The following IGSF21 variants were observed in gnomAD, a reference collection of about 807,000 sequenced individuals.
The protein encoded by IGSF21 is immunoglobulin superfamily member 21.
IGSF21 carries 28 observed loss-of-function variants against 46.8 expected under a neutral mutation model. The ratio of observed to expected loss-of-function variants is 0.60; its 90% CI spans 0.44 to 0.82. IGSF21 has a LOEUF of 0.82. IGSF21 is among the 40% of genes least tolerant of loss of function. The pLI is 0.00. For synonymous variants in IGSF21, 284 were observed against 273.6 expected (o/e 1.04, Z -0.38); for missense variants, 624 against 665.5 (o/e 0.94, Z 0.69).
At chr1:18,254,927 G>A (rs72932933) in intron 2 of IGSF21, among the ~76,000 whole-genome samples, 8,027 of 152,168 alleles carry the variant, frequency 0.053, 465 homozygotes, top group African/African-American at 0.14. Context: ...AGCCAGTGAC[G>A]TTGTCCTTCT....
In IGSF21 at chr1:18,335,037, T is replaced by A. The variant is rs1557648814; in HGVS notation, c.424+27T>A. The A allele has an allele frequency of 1.9e-6, 3 of 1,544,670 alleles. No individual in the cohort carries two copies. The highest frequency in any genetic ancestry group is 2.7e-6 in the Non-Finnish European group (3 of 1,116,696). On this transcript the variant is annotated intron_variant, in intron 4 of 9. Coordinates refer to ENST00000251296, the MANE Select transcript of IGSF21 (RefSeq NM_032880.5). This position sits in a 1 kb window ranked among gnomAD's most constrained non-coding sequence, Gnocchi z 4.8. ...TGAGTGCAGGGCCACTGGCCCCTGG[T>A]GTCTCAGTGAGGAGGACGAGTATGC...
intron 1 of IGSF21, among the ~76,000 whole-genome samples, chr1:18,204,208 G>C (rs528952689): frequency 4.6e-5 from 7 of 152,254 alleles, no homozygotes; most frequent in African/African-American, 1.7e-4. Context: ...GGTACTGTTC[G>C]GTCTCCATTT....
intron 6 of IGSF21, among the ~76,000 whole-genome samples, chr1:18,372,660 G>T (rs2086238163): frequency 6.8e-6 from 1 of 147,350 alleles, no homozygotes; most frequent in African/African-American, 2.5e-5. Context: ...ATGGATGTTT[G>T]GATGGGTGGA....
chr1:18,166,761 G>A (rs549716966), intron 1 of IGSF21, among the ~76,000 whole-genome samples: 1 of 152,288 alleles, frequency 6.6e-6, no homozygotes, highest in South Asian at 2.1e-4. Context: ...CATGGGCCAG[G>A]CCCTGCTGTC....
chr1:18,360,379 T>A (rs2086086888), intron 4 of IGSF21, among the ~76,000 whole-genome samples: 1 of 152,210 alleles, frequency 6.6e-6, no homozygotes, highest in African/African-American at 2.4e-5. Flanking sequence ...AATGAATGAC[T>A]CATACCTGAT....
intron 2 of IGSF21, among the ~76,000 whole-genome samples, chr1:18,269,296 G>A (rs542907799): frequency 1.8e-4 from 27 of 152,128 alleles, no homozygotes; most frequent in Non-Finnish European, 3.5e-4. Context: ...GGCCATTTGG[G>A]CATTTGCCTG....
chr1:18,127,554 A>G (rs921489021), intron 1 of IGSF21, among the ~76,000 whole-genome samples: 1 of 152,140 alleles, frequency 6.6e-6, no homozygotes, highest in Non-Finnish European at 1.5e-5. Flanking sequence ...CACCTGCTAG[A>G]TGGGTCATCT....
intron 1 of IGSF21, among the ~76,000 whole-genome samples, chr1:18,145,462 C>T (rs1388443037): frequency 6.6e-6 from 1 of 152,116 alleles, no homozygotes; most frequent in Non-Finnish European, 1.5e-5. Flanking sequence ...CCCGAGAGCC[C>T]CCAGCCCCTC....
chr1:18,167,749 C>T (rs943543961), intron 1 of IGSF21: 2 of 152,214 alleles, frequency 1.3e-5, no homozygotes, highest in Admixed American at 1.3e-4. Context: ...GACCTCACCT[C>T]CATCCCCACT....
intron 1 of IGSF21, among the ~76,000 whole-genome samples, chr1:18,158,688 G>A (rs1001329470): frequency 1.3e-5 from 2 of 152,082 alleles, no homozygotes; most frequent in African/African-American, 4.8e-5. Context: ...GAAGGCCCTG[G>A]GCTTGTGTTC....
rs1482260931 is a variant in IGSF21 at position 18,366,463 on chromosome 1, A to G, written c.1015+766A>G. On this transcript the variant is annotated intron_variant, in intron 6 of 9. Transcript: ENST00000251296. ...TGGCATGCTCAGGGGAGTTTTCTAC[A>G]TCACAGGTGGGAACATGGGAGGTGA... Among the ~76,000 whole-genome samples the G allele has an allele frequency of 9.2e-5, 14 of 152,008 alleles. No individual in the cohort carries two copies. In the East Asian group the frequency reaches 2.7e-3, roughly 30 times the overall value.
chr1:18,161,412 C>T (rs17435018), intron 1 of IGSF21, among the ~76,000 whole-genome samples: 13,191 of 152,114 alleles, frequency 0.087, 718 homozygotes, highest in Non-Finnish European at 0.12. Flanking sequence ...ATTCCAACAT[C>T]GTGCCCTGTA....
rs2086161504 is a variant in IGSF21 at position 18,365,981 on chromosome 1, T to A, written c.1015+284T>A. Among the ~76,000 whole-genome samples, 1 of 151,714 alleles carries A rather than the reference T, an allele frequency of 6.6e-6. No homozygotes were observed. On this transcript the variant is annotated intron_variant, in intron 6 of 9. Transcript: ENST00000251296. This position sits in a 1 kb window ranked among gnomAD's most constrained non-coding sequence, Gnocchi z 4.8. The stretch of plus-strand genomic sequence containing the variant: ...TGGATAGGGTCAGGGACACAGGAGA[T>A]CAGGGGAGGTCAGAGGAGTTCCTGG...
At chr1:18,179,381 C>T (rs1213006387) in intron 1 of IGSF21, 1 of 152,188 alleles carries the variant, frequency 6.6e-6, no homozygotes, top group Non-Finnish European at 1.5e-5. Context: ...CCAGCCTGGC[C>T]CCATTGTGAC....
chr1:18,365,298 C>A lies in IGSF21; in HGVS notation c.616C>A (p.Leu206Ile), dbSNP rs771315305. 3.1e-6 allele frequency: 5 copies of A among 1,614,118 alleles called. No homozygotes were observed. The Admixed American group carries it at 8.3e-5, about 27-fold the overall frequency. The change falls in exon 6 of 10, where the codon CTA (leucine) becomes ATA (isoleucine). Residue 206 changes from leucine (L) to isoleucine (I), a missense_variant. Transcript: ENST00000251296. This position sits in a 1 kb window ranked among gnomAD's most constrained non-coding sequence, Gnocchi z 4.8. Reference protein sequence around the residue: ...SEPPAASSGPLQDSRPFRSLL... With the variant: ...SEPPAASSGPIQDSRPFRSLL... ...GCCACCAGCTGCGAGCTCCGGCCCCCTACAGGACAGCAGGCCCTTCCGCAG... is the reference window on the plus strand; with the variant it reads ...GCCACCAGCTGCGAGCTCCGGCCCCATACAGGACAGCAGGCCCTTCCGCAG...
At chr1:18,218,176 A>G (rs1229168325) in intron 1 of IGSF21, among the ~76,000 whole-genome samples, 1 of 152,224 alleles carries the variant, frequency 6.6e-6, no homozygotes, top group Non-Finnish European at 1.5e-5. Flanking sequence ...GAAACTTACA[A>G]TCATAGCAGA....
At chr1:18,159,390 A>G (rs1384566825) in intron 1 of IGSF21, among the ~76,000 whole-genome samples, 1 of 152,194 alleles carries the variant, frequency 6.6e-6, no homozygotes, top group Non-Finnish European at 1.5e-5. Flanking sequence ...ACCTGCTGAT[A>G]TAGTTTGGCT....
At chr1:18,239,524 GTTC>G (rs1466573136) in intron 2 of IGSF21, among the ~76,000 whole-genome samples, 1 of 152,168 alleles carries the variant, frequency 6.6e-6, no homozygotes, top group Non-Finnish European at 1.5e-5. Context: ...AGCATACAAG[GTTC>G]TTCTTGATTC....
chr1:18,184,492 G>C (rs1373238262), intron 1 of IGSF21, among the ~76,000 whole-genome samples: 1 of 152,004 alleles, frequency 6.6e-6, no homozygotes. Flanking sequence ...CATTTTCCTC[G>C]AATGAGATTC....
Sources: gnomAD v4.1 joint callset for allele counts (sites outside exome capture counted in the v4.1 genomes callset) on GRCh38, gnomAD v4.1.1 for gene constraint, Gnocchi (gnomAD v3.1) non-coding constraint, MANE v1.5 for transcripts, NCBI Gene and HGNC (gene_info 2026-07-23, HGNC 2026-07-21) for gene names.